The following TMEM181 variants were observed in gnomAD, a reference collection of about 807,000 sequenced individuals.
TMEM181 encodes G protein-coupled receptor 178.
Under a neutral mutation model 71.9 loss-of-function variants are expected in TMEM181, and 39 were observed. The observed-to-expected ratio is 0.54, with a 90% CI of 0.42 to 0.71. The LOEUF is 0.71. Ranked by LOEUF, TMEM181 falls within the 30% of genes least tolerant of loss-of-function variation. The pLI, the probability that TMEM181 is intolerant of heterozygous loss-of-function variation, is 0.00. For missense variants in TMEM181, 595 were observed against 583.0 expected, an observed-to-expected ratio of 1.02 and a Z score of -0.21; for synonymous variants, 245 against 228.8, an observed-to-expected ratio of 1.07 and a Z score of -0.64.
intron 7 of TMEM181, among the ~76,000 whole-genome samples, chr6:158,607,002 G>A (rs1784993870): frequency 6.6e-6 from 1 of 152,202 alleles, no homozygotes; most frequent in Non-Finnish European, 1.5e-5. Flanking sequence ...CTCCTGTGAG[G>A]ACAGCTCGGA....
intron 10 of TMEM181, among the ~76,000 whole-genome samples, chr6:158,618,134 A>G (rs961075492): frequency 3.3e-5 from 5 of 151,298 alleles, no homozygotes; most frequent in African/African-American, 1.2e-4. Context: ...TAGGTCTCTA[A>G]GGACTTGCTT....
In TMEM181 at chr6:158,584,040, A is replaced by G. The variant is rs752515355; in HGVS notation, c.255A>G (p.Ser85=). ...WLTCVVELDQ[S]KETSIKTSFP... ...CATGTGTTGTTGAGTTGGATCAATC[A>G]AAAGGTATGGAGCTTGACATTTTGG... Residue 85 remains serine, a synonymous_variant, in exon 4 of 17, where the codon TCA becomes TCG. Coordinates refer to ENST00000684151, the MANE Select transcript of TMEM181 (RefSeq NM_001376852.1). The G allele has an allele frequency of 6.2e-7, 1 of 1,609,244 alleles. No individual in the cohort carries two copies. The highest frequency in any genetic ancestry group is 2.2e-5 in the East Asian group (1 of 44,790).
chr6:158,585,169 A>C, intron 4 of TMEM181, 135 bp from the exon 5 acceptor site: 1 of 876,940 alleles, frequency 1.1e-6, no homozygotes, highest in Non-Finnish European at 1.6e-6. Context: ...AGATTTTCAA[A>C]TGTGCTGAGG....
intron 1 of TMEM181, among the ~76,000 whole-genome samples, chr6:158,570,738 C>A (rs184523084): frequency 1.3e-5 from 2 of 151,286 alleles, no homozygotes; most frequent in Non-Finnish European, 2.9e-5. Context: ...CATAACCTGG[C>A]GCATTTATCA....
chr6:158,547,887 CAAAAAAAAAAA>C (rs34148643), intron 1 of TMEM181, among the ~76,000 whole-genome samples: 5 of 57,040 alleles, frequency 8.8e-5, no homozygotes, highest in Non-Finnish European at 1.3e-4. Context: ...AACTCTGTCT[CAAAAAAAAAAA>C]AAAAAAAAAA....
At chr6:158,617,561 G>T (rs1259410120) in intron 10 of TMEM181, among the ~76,000 whole-genome samples, 3 of 151,922 alleles carry the variant, frequency 2.0e-5, no homozygotes, top group Admixed American at 6.6e-5. Flanking sequence ...TTCTTTTAAT[G>T]GTGATGTTAG....
intron 6 of TMEM181, among the ~76,000 whole-genome samples, chr6:158,594,341 C>T (rs950424041): frequency 5.3e-5 from 8 of 152,038 alleles, no homozygotes; most frequent in African/African-American, 1.2e-4. Context: ...TCTGGTGATC[C>T]GCCTGCCTCG....
upstream of TMEM181, chr6:158,559,966 G>C: frequency 1.0e-5 from 8 of 790,850 alleles, no homozygotes; most frequent in Non-Finnish European, 1.1e-5. Flanking sequence ...CTCCGCCCCG[G>C]CACGGGGCCA....
intron 8 of TMEM181, among the ~76,000 whole-genome samples, chr6:158,607,858 G>A (rs1337328366): frequency 2.0e-5 from 3 of 152,222 alleles, no homozygotes; most frequent in African/African-American, 7.2e-5. Context: ...TTAAAACTTG[G>A]ACGTGCTACA....
chr6:158,570,764 C>A (rs1268715167), intron 1 of TMEM181, among the ~76,000 whole-genome samples: 1 of 152,122 alleles, frequency 6.6e-6, no homozygotes, highest in Non-Finnish European at 1.5e-5. Context: ...AAGACGTTGA[C>A]CTTGGTGCAG....
At chr6:158,580,906 T>A in intron 2 of TMEM181, 34 bp from the exon 3 acceptor site, 1 of 1,566,052 alleles carries the variant, frequency 6.4e-7, no homozygotes. Context: ...AATATTGCTA[T>A]AATCTGCTTT....
intron 10 of TMEM181, among the ~76,000 whole-genome samples, chr6:158,615,350 G>C (rs1394748142): frequency 6.6e-6 from 1 of 152,102 alleles, no homozygotes; most frequent in African/African-American, 2.4e-5. Context: ...ATGCTTTCTT[G>C]TAAATTTAAG....
At chr6:158,565,928 G>C (rs10455824) in intron 1 of TMEM181, among the ~76,000 whole-genome samples, 109,020 of 152,228 alleles carry the variant, frequency 0.72, 39,445 homozygotes, top group African/African-American at 0.82. Flanking sequence ...GCTGTCTTGC[G>C]TTCTGAAAGG....
chr6:158,590,499 C>G (rs750020640), intron 6 of TMEM181, among the ~76,000 whole-genome samples: 1 of 152,078 alleles, frequency 6.6e-6, no homozygotes, highest in Non-Finnish European at 1.5e-5. Flanking sequence ...ACTCTGTCAC[C>G]AGGCTGGAGT....
chr6:158,614,481 TA>T (rs985646204), intron 10 of TMEM181, among the ~76,000 whole-genome samples: 8 of 151,884 alleles, frequency 5.3e-5, no homozygotes, highest in Non-Finnish European at 1.0e-4. Context: ...CAATCCTATT[TA>T]AAAAAAATTT....
At chr6:158,593,651 A>T (rs144218766) in intron 6 of TMEM181, among the ~76,000 whole-genome samples, 25 of 152,372 alleles carry the variant, frequency 1.6e-4, no homozygotes, top group Non-Finnish European at 3.5e-4. Context: ...AGAGAACTGT[A>T]TGCAAAGTGT....
At chr6:158,575,746 CT>C (rs1195029649) in intron 2 of TMEM181, among the ~76,000 whole-genome samples, 2 of 152,206 alleles carry the variant, frequency 1.3e-5, no homozygotes, top group Non-Finnish European at 2.9e-5. Context: ...ACACAGGCCT[CT>C]TTCCTACATT....
chr6:158,622,170 T>C (rs927539724), intron 10 of TMEM181, among the ~76,000 whole-genome samples: 14 of 152,252 alleles, frequency 9.2e-5, no homozygotes, highest in African/African-American at 3.1e-4. Flanking sequence ...TTTTTCTCTA[T>C]ACATACATAC....
Position 158,634,461 on chromosome 6 carries a change from G to C in TMEM181, c.*2573G>C, listed in dbSNP as rs1786828261. The stretch of plus-strand genomic sequence containing the variant: ...TGACTTTAGTTCCTTCATGGTAATG[G>C]CTTGAGTAACATCATCTTTGGGATT... On this transcript the variant is annotated 3_prime_UTR_variant, in exon 17 of 17. Coordinates refer to ENST00000684151, the MANE Select transcript of TMEM181 (RefSeq NM_001376852.1). 6.6e-6 allele frequency: 1 copy of C among 152,078 alleles called. No individual in the cohort carries two copies. The highest frequency in any genetic ancestry group is 2.4e-5 in the African/African-American group (1 of 41,414). The allele number at this position is 152,078 out of a possible 1,614,324, so 9.4% of individuals were successfully genotyped here. A position where few individuals can be genotyped will look rare whatever the true frequency, so the allele number is the denominator to read the frequency against.
Sources: gnomAD v4.1 joint callset for allele counts (sites outside exome capture counted in the v4.1 genomes callset) on GRCh38, gnomAD v4.1.1 for gene constraint, MANE v1.5 for transcripts, NCBI Gene and HGNC (gene_info 2026-07-23, HGNC 2026-07-21) for gene names.